The following NEBL variants were observed in gnomAD, a reference collection of about 807,000 sequenced individuals.
The protein encoded by NEBL is LIM and SH3 protein 2.
NEBL carries 122 observed loss-of-function variants against 140.2 expected under a neutral mutation model. The observed-to-expected ratio is 0.87, with a 90% CI of 0.75 to 1.01. The LOEUF (loss-of-function observed/expected upper bound fraction) is 1.01. Among genes scored for constraint, NEBL ranks in the 50% least tolerant of loss-of-function variants. NEBL has a pLI of 0.00. For synonymous variants in NEBL, 436 were observed against 398.9 expected (o/e 1.09, Z -1.11); for missense variants, 1,365 against 1,231.3 (o/e 1.11, Z -1.62).
At chr10:21,157,577 T>TA (rs993611287) in intron 2 of NEBL, among the ~76,000 whole-genome samples, 13 of 151,362 alleles carry the variant, frequency 8.6e-5, no homozygotes, top group Admixed American at 3.9e-4. Flanking sequence ...TCTCAAAAAA[T>TA]AAAAAAAAAT....
At chr10:21,119,064 C>A (rs1427338488) in intron 2 of NEBL, among the ~76,000 whole-genome samples, 8 of 152,168 alleles carry the variant, frequency 5.3e-5, no homozygotes, top group Non-Finnish European at 4.4e-5. Context: ...CAACAGCAAT[C>A]CTTTCTCTAC....
chr10:20,853,510 A>T (rs1035577076), intron 9 of NEBL, among the ~76,000 whole-genome samples: 1 of 152,228 alleles, frequency 6.6e-6, no homozygotes, highest in African/African-American at 2.4e-5. Flanking sequence ...ATTTGCAACA[A>T]CATGGATGGA....
At chr10:20,972,639 C>T (rs1448534494) in intron 3 of NEBL, among the ~76,000 whole-genome samples, 6 of 151,826 alleles carry the variant, frequency 4.0e-5, no homozygotes, top group Non-Finnish European at 7.4e-5. Context: ...CTCAGCTACT[C>T]GGGAGGCTGA....
chr10:20,799,585 A>G (rs935836318), intron 26 of NEBL, among the ~76,000 whole-genome samples: 13 of 152,238 alleles, frequency 8.5e-5, no homozygotes, highest in African/African-American at 3.1e-4. Flanking sequence ...TTCAGTTTGC[A>G]AATAACACTC....
At chr10:21,094,074 G>A (rs919379977) in intron 2 of NEBL, among the ~76,000 whole-genome samples, 8 of 152,128 alleles carry the variant, frequency 5.3e-5, no homozygotes, top group Admixed American at 2.0e-4. Flanking sequence ...AAAAAAGACC[G>A]GGCTGGGTGT....
At chr10:20,866,209 T>C (rs1052561168) in intron 7 of NEBL, among the ~76,000 whole-genome samples, 3 of 152,030 alleles carry the variant, frequency 2.0e-5, no homozygotes, top group African/African-American at 7.2e-5. Context: ...AACACACCAT[T>C]CTGGGAAGGG....
intron 3 of NEBL, among the ~76,000 whole-genome samples, chr10:21,232,448 T>C (rs553710761): frequency 2.5e-4 from 38 of 152,296 alleles, no homozygotes; most frequent in Non-Finnish European, 3.5e-4. Flanking sequence ...CATTGTAATA[T>C]ATGAGGAAAT....
At chr10:20,801,266 G>A (rs1051575844) in intron 26 of NEBL, among the ~76,000 whole-genome samples, 2 of 151,734 alleles carry the variant, frequency 1.3e-5, no homozygotes, top group African/African-American at 4.8e-5. Flanking sequence ...AGGTTGGAGT[G>A]CAGTGGTGTG....
intron 1 of NEBL, among the ~76,000 whole-genome samples, chr10:21,275,617 T>C (rs1428001138): frequency 6.6e-6 from 1 of 150,600 alleles, no homozygotes; most frequent in Admixed American, 6.6e-5. Flanking sequence ...TGAACTAACA[T>C]AGACTCATCA....
At chr10:20,846,005 G>C (rs1432319416) in intron 11 of NEBL, among the ~76,000 whole-genome samples, 1 of 152,090 alleles carries the variant, frequency 6.6e-6, no homozygotes, top group African/African-American at 2.4e-5. Context: ...CTTTAAGTGA[G>C]AGTTCACAAC....
chr10:21,219,993 A>C (rs1299885338), intron 3 of NEBL, among the ~76,000 whole-genome samples: 1 of 151,724 alleles, frequency 6.6e-6, no homozygotes, highest in Non-Finnish European at 1.5e-5. Context: ...GGCTCACTGC[A>C]ACCTCCACCT....
chr10:20,853,913 C>T (rs74808940), intron 9 of NEBL, among the ~76,000 whole-genome samples: 12 of 152,092 alleles, frequency 7.9e-5, no homozygotes, highest in South Asian at 2.1e-4. Context: ...CAGAAAGAAA[C>T]GACAAATGCT....
At chr10:20,801,943 C>T (rs1264235710) in intron 26 of NEBL, among the ~76,000 whole-genome samples, 1 of 152,148 alleles carries the variant, frequency 6.6e-6, no homozygotes, top group Non-Finnish European at 1.5e-5. Context: ...AAGACTCTCT[C>T]ACAGCAAAAT....
intron 4 of NEBL, among the ~76,000 whole-genome samples, chr10:20,930,126 C>T (rs1377051744): frequency 2.6e-5 from 4 of 152,108 alleles, no homozygotes; most frequent in Non-Finnish European, 4.4e-5. Flanking sequence ...TTAACGGCCA[C>T]CTCCATTTAG....
intron 3 of NEBL, among the ~76,000 whole-genome samples, chr10:20,967,794 T>C (rs1836389523): frequency 6.6e-6 from 1 of 152,192 alleles, no homozygotes; most frequent in South Asian, 2.1e-4. Flanking sequence ...TCACACGTTA[T>C]CTTTTTACTA....
Position 21,078,632 on chromosome 10 carries a change from T to C in NEBL, c.165-58431A>G, listed in dbSNP as rs141082880. ...GTATCTACTCCTATGACCTGCTCAT[T>C]TGAGTGGGACTTTAAAGGTTTTGAT... On this transcript the variant is annotated intron_variant, in intron 2 of 6. Transcript: ENST00000417816. 1.2e-3 allele frequency among the ~76,000 whole-genome samples: 183 copies of C among 152,320 alleles called. 1 individual carries two copies. Among genetic ancestry groups the C allele is most frequent in the African/African-American group, 4.2e-3 (176 of 41,572 alleles).
intron 7 of NEBL, among the ~76,000 whole-genome samples, chr10:20,863,170 G>A (rs1338166320): frequency 6.6e-6 from 1 of 152,094 alleles, no homozygotes; most frequent in African/African-American, 2.4e-5. Context: ...ATAAAGAAAT[G>A]AGAAGTTACA....
At chr10:21,213,063 G>A (rs1841941286) in intron 3 of NEBL, among the ~76,000 whole-genome samples, 1 of 151,814 alleles carries the variant, frequency 6.6e-6, no homozygotes, top group African/African-American at 2.4e-5. Context: ...GCCAGGCACC[G>A]GTTGGAATTT....
At chr10:21,008,230 C>CTA (rs951671874) in intron 3 of NEBL, among the ~76,000 whole-genome samples, 7 of 152,018 alleles carry the variant, frequency 4.6e-5, no homozygotes, top group African/African-American at 1.7e-4. Context: ...GTATGCATAT[C>CTA]TATATATATG....
Sources: allele counts gnomAD v4.1 joint callset (sites outside exome capture counted in the v4.1 genomes callset), GRCh38; gene constraint gnomAD v4.1.1; transcripts MANE v1.5; gene names NCBI Gene and HGNC (gene_info 2026-07-23, HGNC 2026-07-21).